Variants in CHLSN observed in about 807,000 individuals in gnomAD.
CHLSN encodes protein cholesin.
the CHLSN span, among the ~76,000 whole-genome samples, chr7:1,061,339 T>G: frequency 2.6e-5 from 4 of 152,148 alleles, no homozygotes; most frequent in South Asian, 8.3e-4. Context: ...GGCAGGCACA[T>G]GCCTCCAGCG....
At chr7:1,007,793 G>C in the CHLSN span, among the ~76,000 whole-genome samples, 1 of 152,188 alleles carries the variant, frequency 6.6e-6, no homozygotes, top group Non-Finnish European at 1.5e-5. Flanking sequence ...AGGTCCCAGA[G>C]GGGGAGAGGA....
At chr7:1,059,494 C>A in the CHLSN span, among the ~76,000 whole-genome samples, 1 of 137,030 alleles carries the variant, frequency 7.3e-6, no homozygotes, top group African/African-American at 3.3e-5. Flanking sequence ...CATAGTGGGG[C>A]GGGTCCGTAG....
At chr7:1,036,993 C>A in the CHLSN span, among the ~76,000 whole-genome samples, 1 of 147,212 alleles carries the variant, frequency 6.8e-6, no homozygotes, top group East Asian at 1.9e-4. Flanking sequence ...CGCCTGTAGT[C>A]CAAGCTATTC....
chr7:1,055,474 CA>C, the CHLSN span: 1 of 458,726 alleles, frequency 2.2e-6, no homozygotes, highest in Non-Finnish European at 4.4e-6. Context: ...GCTTGGGCCA[CA>C]AAGTAAAGGT....
the CHLSN span, chr7:1,010,089 C>A: frequency 8.7e-6 from 14 of 1,612,936 alleles, no homozygotes; most frequent in Non-Finnish European, 1.1e-5. Flanking sequence ...ACCCTCTGCT[C>A]CTCTGGGGAC....
At chr7:1,061,857 C>T in the CHLSN span, among the ~76,000 whole-genome samples, 1 of 141,328 alleles carries the variant, frequency 7.1e-6, no homozygotes, top group East Asian at 1.9e-4. Flanking sequence ...CCAATTCTTC[C>T]AAGCAGCCAT....
the CHLSN span, among the ~76,000 whole-genome samples, chr7:1,136,083 A>T: frequency 8.6e-6 from 1 of 116,098 alleles, no homozygotes; most frequent in Non-Finnish European, 1.6e-5. Flanking sequence ...AGTATATATA[A>T]ATTTATATAA....
chr7:1,119,060 C>T, the CHLSN span, among the ~76,000 whole-genome samples: 4 of 148,978 alleles, frequency 2.7e-5, no homozygotes, highest in African/African-American at 5.0e-5. Flanking sequence ...CGAGACCATC[C>T]CGGCCAACAT....
At chr7:1,080,849 TGA>T in the CHLSN span, 1 of 152,200 alleles carries the variant, frequency 6.6e-6, no homozygotes, top group Non-Finnish European at 1.5e-5. Context: ...AAGCTCTCAG[TGA>T]GAGAGGGTGG....
chr7:1,116,351 C>G, the CHLSN span, among the ~76,000 whole-genome samples: 1 of 140,394 alleles, frequency 7.1e-6, no homozygotes, highest in African/African-American at 2.8e-5. Context: ...AGGATGATGA[C>G]ATCACTACAG....
the CHLSN span, chr7:989,056 A>G: frequency 2.2e-6 from 1 of 454,412 alleles, no homozygotes; most frequent in Non-Finnish European, 3.9e-6. Context: ...AGTCCCTGCC[A>G]GCCCCCAGGA....
At chr7:1,028,277 T>C in the CHLSN span, 13 of 1,079,666 alleles carry the variant, frequency 1.2e-5, no homozygotes, top group Admixed American at 5.0e-5. Context: ...GGCTGTCAGG[T>C]CCCGCGGGCA....
the CHLSN span, chr7:1,092,793 C>T: frequency 1.9e-6 from 3 of 1,613,566 alleles, no homozygotes; most frequent in Non-Finnish European, 2.5e-6. Flanking sequence ...GTCACGCTGC[C>T]CTGAAGGCCG....
chr7:1,092,856 G>T, the CHLSN span: 1 of 1,611,584 alleles, frequency 6.2e-7, no homozygotes, highest in Non-Finnish European at 8.5e-7. Flanking sequence ...GTGCCGTGTA[G>T]ACAGCCTTGG....
At chr7:995,648 C>T in the CHLSN span, among the ~76,000 whole-genome samples, 1 of 152,290 alleles carries the variant, frequency 6.6e-6, no homozygotes, top group Non-Finnish European at 1.5e-5. Context: ...CCCTTCCCAG[C>T]AGCTTCTCTG....
At chr7:1,130,041 C>T in the CHLSN span, among the ~76,000 whole-genome samples, 8 of 152,194 alleles carry the variant, frequency 5.3e-5, no homozygotes, top group African/African-American at 7.2e-5. Flanking sequence ...GGACACCTGG[C>T]ACCCTCGGGT....
chr7:1,036,497 G>A, the CHLSN span, among the ~76,000 whole-genome samples: 5 of 151,952 alleles, frequency 3.3e-5, no homozygotes, highest in African/African-American at 9.7e-5. Flanking sequence ...TGGCCGTGTG[G>A]GGTTCGGGTG....
At chr7:1,028,664 A>G in the CHLSN span, 1 of 581,028 alleles carries the variant, frequency 1.7e-6, no homozygotes, top group Non-Finnish European at 2.0e-6. Context: ...CCCAGCCCCT[A>G]TCGTCCCCCT....
At chr7:1,068,056 C>T in the CHLSN span, among the ~76,000 whole-genome samples, 2 of 152,168 alleles carry the variant, frequency 1.3e-5, no homozygotes, top group African/African-American at 4.8e-5. Context: ...CAGCAACGGT[C>T]CTGCGCACCA....
Sources: gnomAD v4.1 joint callset for allele counts (sites outside exome capture counted in the v4.1 genomes callset) on GRCh38, gnomAD v4.1.1 for gene constraint, MANE v1.5 for transcripts, NCBI Gene and HGNC (gene_info 2026-07-23, HGNC 2026-07-21) for gene names.